The following AKAP6 variants were observed in gnomAD, a reference collection of about 807,000 sequenced individuals.
AKAP6 encodes the protein A-kinase anchor protein 6.
AKAP6 carries 58 observed loss-of-function variants against 188.5 expected under a neutral mutation model. That is an observed-to-expected ratio of 0.31 (90% confidence interval 0.25 to 0.38). AKAP6 has a LOEUF of 0.38. AKAP6 is among the 10% of genes least tolerant of loss of function. AKAP6 has a pLI of 1.00. For missense variants in AKAP6, 2,710 were observed against 2,740.0 expected, an observed-to-expected ratio of 0.99 and a Z score of 0.24; for synonymous variants, 989 against 998.6, an observed-to-expected ratio of 0.99 and a Z score of 0.18.
intron 7 of AKAP6, among the ~76,000 whole-genome samples, chr14:32,603,451 A>G (rs1473934031): frequency 1.3e-5 from 2 of 152,204 alleles, no homozygotes; most frequent in African/African-American, 4.8e-5. Flanking sequence ...AGTTGATAAC[A>G]CAGTGAGAAG....
chr14:32,584,400 C>T (rs950938532), intron 5 of AKAP6, among the ~76,000 whole-genome samples: 2 of 152,202 alleles, frequency 1.3e-5, no homozygotes, highest in Admixed American at 6.5e-5. Flanking sequence ...CAATTTAAAA[C>T]TTATGAATTT....
In AKAP6 at chr14:32,830,760, G is replaced by A. The variant is rs2034805553; in HGVS notation, c.*955G>A. On this transcript the variant is annotated 3_prime_UTR_variant, in exon 14 of 14. Coordinates refer to ENST00000280979, the MANE Select transcript of AKAP6 (RefSeq NM_004274.5). Reference sequence around the variant, plus strand: ...GAAAATATAAGCCTTAAATCCATTAGATTGCATGGTAATTAAAATTGGCAT... The same window carrying A: ...GAAAATATAAGCCTTAAATCCATTAAATTGCATGGTAATTAAAATTGGCAT... 2.0e-5 allele frequency: 3 copies of A among 152,724 alleles called. No homozygotes were observed. Among genetic ancestry groups the A allele is most frequent in the African/African-American group, 4.8e-5 (2 of 41,552 alleles). The allele number at this position is 152,724 out of a possible 1,614,324, so 9.5% of individuals were successfully genotyped here.
chr14:32,592,928 G>T (rs1050022775), intron 5 of AKAP6, among the ~76,000 whole-genome samples: 1 of 151,564 alleles, frequency 6.6e-6, no homozygotes, highest in Non-Finnish European at 1.5e-5. Flanking sequence ...CTTGTCAACA[G>T]CCCCATTCTA....
At chr14:32,335,904 G>C (rs547774152) in intron 1 of AKAP6, among the ~76,000 whole-genome samples, 3 of 133,852 alleles carry the variant, frequency 2.2e-5, no homozygotes, top group Non-Finnish European at 4.7e-5. Context: ...CCTATAATTC[G>C]AGGTTATATT....
intron 9 of AKAP6, among the ~76,000 whole-genome samples, chr14:32,700,893 A>C (rs1230585172): frequency 2.6e-5 from 4 of 152,196 alleles, no homozygotes; most frequent in Non-Finnish European, 5.9e-5. Flanking sequence ...GTTGTTAAGC[A>C]ACATGATTTG....
At chr14:32,578,975 C>T (rs1038812978) in intron 5 of AKAP6, among the ~76,000 whole-genome samples, 3 of 152,084 alleles carry the variant, frequency 2.0e-5, no homozygotes, top group African/African-American at 4.8e-5. Flanking sequence ...CTTTTGGTGA[C>T]GATGGAATAT....
At chr14:32,813,389 A>AACC (rs2034290908) in intron 12 of AKAP6, among the ~76,000 whole-genome samples, 3 of 65,288 alleles carry the variant, frequency 4.6e-5, no homozygotes, top group Non-Finnish European at 5.6e-5. Context: ...CTCTAACCCT[A>AACC]CCCCCCCCCC....
chr14:32,682,485 G>A (rs1265341947), intron 8 of AKAP6, among the ~76,000 whole-genome samples: 1 of 152,232 alleles, frequency 6.6e-6, no homozygotes, highest in African/African-American at 2.4e-5. Flanking sequence ...ATGAATGGAT[G>A]CATGAATGAA....
chr14:32,635,308 T>C (rs1027986991), intron 7 of AKAP6, among the ~76,000 whole-genome samples: 2 of 152,054 alleles, frequency 1.3e-5, no homozygotes, highest in Non-Finnish European at 2.9e-5. Context: ...GTATGAGTCA[T>C]AGTTAGAGTA....
At chr14:32,405,906 C>T (rs1165614886) in intron 1 of AKAP6, among the ~76,000 whole-genome samples, 2 of 152,198 alleles carry the variant, frequency 1.3e-5, no homozygotes, top group Non-Finnish European at 2.9e-5. Context: ...CTAATACACA[C>T]TCTTTTAAAT....
rs763943166 is a variant in AKAP6 at position 32,535,597 on chromosome 14, C to A, written c.368C>A (p.Ala123Asp). The change falls in exon 3 of 14, where the codon GCC (alanine) becomes GAC (aspartate). Residue 123 changes from alanine to aspartate, a missense_variant. Coordinates refer to ENST00000280979, the MANE Select transcript of AKAP6 (RefSeq NM_004274.5). Reference protein sequence around the residue: ...DISDHVEQIHALLETEFSLKL... With the variant: ...DISDHVEQIHDLLETEFSLKL... ...TCTGATCATGTTGAGCAAATCCATG[C>A]CCTCCTTGAAACAGAGTTCTCCCTA... 3.1e-6 allele frequency: 5 copies of A among 1,613,998 alleles called. No homozygotes were observed. The Admixed American group carries it at 6.7e-5, about 22-fold the overall frequency.
At chr14:32,345,449 G>A (rs977303436) in intron 1 of AKAP6, among the ~76,000 whole-genome samples, 1 of 152,228 alleles carries the variant, frequency 6.6e-6, no homozygotes, top group Non-Finnish European at 1.5e-5. Context: ...CAGCTGTGAT[G>A]TAGCCAGTAG....
intron 2 of AKAP6, among the ~76,000 whole-genome samples, chr14:32,466,620 A>G (rs564661215): frequency 2.0e-5 from 3 of 151,472 alleles, no homozygotes; most frequent in Non-Finnish European, 4.4e-5. Flanking sequence ...CCAATACCTA[A>G]TGCATGCGGG....
chr14:32,517,991 C>T (rs953901320), intron 2 of AKAP6, among the ~76,000 whole-genome samples: 12 of 152,142 alleles, frequency 7.9e-5, no homozygotes, highest in African/African-American at 2.4e-4. Context: ...CCCTCTGAGA[C>T]GAAGCTTCCA....
In AKAP6 at chr14:32,403,648, T is replaced by A. The variant is rs537020502; in HGVS notation, c.-34-29812T>A. On this transcript the variant is annotated intron_variant, in intron 1 of 13. Coordinates refer to ENST00000280979, the MANE Select transcript of AKAP6 (RefSeq NM_004274.5). ...TTCTTCATCTGTAAGATGGGAATAG[T>A]TATAGTGATCTACCTCTCAGGGTTG... Among the ~76,000 whole-genome samples the A allele has an allele frequency of 7.7e-4, 117 of 152,308 alleles. 1 individual carries two copies. The highest frequency in any genetic ancestry group is 2.2e-3 in the African/African-American group (92 of 41,570).
intron 9 of AKAP6, among the ~76,000 whole-genome samples, chr14:32,722,939 A>G (rs569764156): frequency 6.6e-6 from 1 of 152,254 alleles, no homozygotes; most frequent in East Asian, 1.9e-4. Context: ...CTAAAAGAAC[A>G]TTGTTTGTAA....
chr14:32,721,410 C>G (rs969746882), intron 9 of AKAP6, among the ~76,000 whole-genome samples: 16 of 152,156 alleles, frequency 1.1e-4, no homozygotes, highest in Admixed American at 3.9e-4. Context: ...AAGTTTATGT[C>G]TTTTAAAAAA....
chr14:32,359,034 C>T (rs143576334), intron 1 of AKAP6, among the ~76,000 whole-genome samples: 2 of 152,242 alleles, frequency 1.3e-5, no homozygotes, highest in Non-Finnish European at 2.9e-5. Flanking sequence ...GGTTTCCTTC[C>T]ATGACAAAAA....
chr14:32,458,094 A>G (rs1891203697), intron 2 of AKAP6, among the ~76,000 whole-genome samples: 1 of 152,204 alleles, frequency 6.6e-6, no homozygotes, highest in Non-Finnish European at 1.5e-5. Context: ...TTTGTTTAGG[A>G]TGGAAATTCT....
Sources: gnomAD v4.1 joint callset for allele counts (sites outside exome capture counted in the v4.1 genomes callset) on GRCh38, gnomAD v4.1.1 for gene constraint, MANE v1.5 for transcripts, NCBI Gene and HGNC (gene_info 2026-07-23, HGNC 2026-07-21) for gene names.